The following HFE variants were observed in gnomAD, a reference collection of about 807,000 sequenced individuals.
HFE encodes the protein homeostatic iron regulator, also known as hereditary hemochromatosis protein.
A neutral mutation model predicts 40.9 loss-of-function variants in HFE; 36 were observed. The observed-to-expected ratio is 0.88, with a 90% confidence interval of 0.67 to 1.16. The LOEUF is 1.16. HFE is among the 50% of genes most tolerant of loss of function. The probability of loss-of-function intolerance (pLI) is 0.00; values close to 1 mark genes in which losing one functional copy is unlikely to be tolerated. For missense variants in HFE, 376 were observed against 432.0 expected (o/e 0.87, Z 1.15); for synonymous variants, 157 against 165.4 (o/e 0.95, Z 0.39).
intron 1 of HFE, 146 bp downstream of exon 1, chr6:26,087,662 A>C: frequency 2.9e-6 from 2 of 683,006 alleles, no homozygotes; most frequent in African/African-American, 1.8e-5. Flanking sequence ...TTCTGCGTCC[A>C]GACCCCGTGA....
At position 26,094,082 on chromosome 6, in the gene HFE, A is replaced by G; in HGVS notation, c.1007-104A>G. On this transcript the variant is annotated intron_variant, in intron 5 of 5. Coordinates refer to ENST00000357618, the MANE Select transcript of HFE (RefSeq NM_000410.4). ...TGGTTCTTGAAATCCAATAGTGCCC[A>G]GGTCTAAATTGAGATGGGTGAATGA... 3 of 1,071,982 alleles carry G rather than the reference A, an allele frequency of 2.8e-6. No individual in the cohort carries two copies. In the South Asian group the frequency reaches 3.8e-5, roughly 13 times the overall value. The allele number at this position is 1,071,982 out of a possible 1,614,324, so 66.4% of individuals were successfully genotyped here.
chr6:26,091,654 G>A lies in HFE; in HGVS notation c.616+65G>A, dbSNP rs551800376. The A allele has an allele frequency of 2.3e-5, 36 of 1,560,078 alleles. 1 individual carries two copies. The highest frequency in any genetic ancestry group is 1.5e-4 in the South Asian group (13 of 87,408). On this transcript the variant is annotated intron_variant, in intron 3 of 5. Transcript: ENST00000357618. ...CAGAGTGGAGGAGGTTGCAGGGCAC[G>A]GAATCCCTGGTTGGAGTTTCAGAGG...
intron 1 of HFE, among the ~76,000 whole-genome samples, chr6:26,088,256 A>G (rs62625323): frequency 8.1e-4 from 124 of 152,360 alleles, no homozygotes; most frequent in South Asian, 1.5e-3. Context: ...CTGTGTAATT[A>G]AGAGGCCTCT....
chr6:26,088,783 T>C (rs1249205784), intron 1 of HFE, among the ~76,000 whole-genome samples: 1 of 152,162 alleles, frequency 6.6e-6, no homozygotes, highest in Non-Finnish European at 1.5e-5. Context: ...TTTACAAGTG[T>C]AAATGAGTCC....
chr6:26,093,337 A>T lies in HFE; in HGVS notation c.1006+105A>T. 4 of 813,394 alleles carry T rather than the reference A, an allele frequency of 4.9e-6. 1 individual carries two copies. The South Asian group carries it at 5.6e-5, about 11-fold the overall frequency. The allele number at this position is 813,394 out of a possible 1,614,324, so 50.4% of individuals were successfully genotyped here. On this transcript the variant is annotated intron_variant, in intron 5 of 5. Coordinates refer to ENST00000357618, the MANE Select transcript of HFE (RefSeq NM_000410.4). ...TCCATGGGAAGCATTTTTCTCATTT[A>T]TATTCTTTGGGGACACCAGCAGCTC...
Position 26,093,189 on chromosome 6 carries a change from C to T in HFE, c.963C>T (p.Phe321=), listed in dbSNP as rs1273963692. ...TTGCTGTTTTTGTCGTCATCTTGTT[C>T]ATTGGAATTTTGTTCATAATATTAA... ...SGIAVFVVIL[F]IGILFIILRK... is the part of the protein sequence containing the mutation. Residue 321 remains phenylalanine (F), a synonymous_variant, in exon 5 of 6, where the codon TTC becomes TTT. Coordinates refer to ENST00000357618, the MANE Select transcript of HFE (RefSeq NM_000410.4). 3 of 1,613,994 alleles carry T rather than the reference C, an allele frequency of 1.9e-6. No individual in the cohort carries two copies. Among genetic ancestry groups the T allele is most frequent in the Non-Finnish European group, 2.5e-6 (3 of 1,179,956 alleles).
At chr6:26,094,106 G>A in intron 5 of HFE, 80 bp from the exon 6 acceptor site, 1 of 1,344,454 alleles carries the variant, frequency 7.4e-7, no homozygotes, top group Non-Finnish European at 1.1e-6. Context: ...ATGGGTGAAT[G>A]AGGAAAATAA....
chr6:26,090,995 T>C lies in HFE; in HGVS notation c.231T>C (p.Ser77=). The C allele has an allele frequency of 1.2e-6, 2 of 1,614,148 alleles. No homozygotes were observed. The highest frequency in any genetic ancestry group is 1.3e-5 in the African/African-American group (1 of 75,040). ...AGCCCCGAACTCCATGGGTTTCCAG[T>C]AGAATTTCAAGCCAGATGTGGCTGC... ...RVEPRTPWVS[S]RISSQMWLQL... Residue 77 remains serine (S), a synonymous_variant, in exon 2 of 6, where the codon AGT becomes AGC. Transcript: ENST00000357618.
intron 1 of HFE, among the ~76,000 whole-genome samples, chr6:26,088,850 AC>A (rs886933955): frequency 3.3e-5 from 5 of 152,120 alleles, no homozygotes; most frequent in African/African-American, 1.2e-4. Flanking sequence ...ACAAGTCTTT[AC>A]CCTTTGATAT....
chr6:26,096,696 A>C lies in HFE; in HGVS notation c.*2470A>C. 1 of 413,024 alleles carries C rather than the reference A, an allele frequency of 2.4e-6. No homozygotes were observed. 25.6% of individuals were successfully genotyped at this position (413,024 alleles called of 1,614,324 possible). A position where few individuals can be genotyped will look rare whatever the true frequency, so the allele number is the denominator to read the frequency against. Reference sequence around the variant, plus strand: ...ATGTGATTTACGCTCATTGTAGAAAAGCTATAAAATGAATACAATTAAAGC... The same window carrying C: ...ATGTGATTTACGCTCATTGTAGAAACGCTATAAAATGAATACAATTAAAGC... On this transcript the variant is annotated 3_prime_UTR_variant, in exon 6 of 6. Transcript: ENST00000357618.
rs1762930180 is a variant in HFE at position 26,094,471 on chromosome 6, C to A, written c.*245C>A. 3 of 703,326 alleles carry A rather than the reference C, an allele frequency of 4.3e-6. No homozygotes were observed. The Admixed American group carries it at 6.0e-5, about 14-fold the overall frequency. 43.6% of individuals were successfully genotyped at this position (703,326 alleles called of 1,614,324 possible). ...CTCCCCTGGAACTGTCTCTCATGAA[C>A]CTCAAGCTGCATCTAGAGGCTTCCT... On this transcript the variant is annotated 3_prime_UTR_variant, in exon 6 of 6. Coordinates refer to ENST00000357618, the MANE Select transcript of HFE (RefSeq NM_000410.4).
At chr6:26,092,173 TAAAAAAA>T (rs34225963) in intron 3 of HFE, among the ~76,000 whole-genome samples, 2 of 98,744 alleles carry the variant, frequency 2.0e-5, no homozygotes, top group African/African-American at 8.5e-5. Flanking sequence ...GACTCCATCT[TAAAAAAA>T]AAAAAAAAAA....
chr6:26,090,441 T>TAAAA (rs1762602531), intron 1 of HFE, among the ~76,000 whole-genome samples: 1 of 15,654 alleles, frequency 6.4e-5, no homozygotes, highest in Non-Finnish European at 1.1e-4. Flanking sequence ...AGACTCTGTC[T>TAAAA]CAAAAAAAAA....
At position 26,092,911 on chromosome 6, in the gene HFE, G is replaced by A. The variant is rs369354634; in HGVS notation, c.843G>A (p.Thr281=). 21 of 1,614,056 alleles carry A rather than the reference G, an allele frequency of 1.3e-5. No individual in the cohort carries two copies. In the African/African-American group the frequency reaches 2.0e-4, roughly 15 times the overall value. Residue 281 remains threonine, a synonymous_variant, in exon 4 of 6, where the codon ACG becomes ACA. Transcript: ENST00000357618. The stretch of plus-strand genomic sequence containing the variant: ...CCCCTGGGGAAGAGCAGAGATATAC[G>A]TGCCAGGTGGAGCACCCAGGCCTGG... ...AVPPGEEQRY[T]CQVEHPGLDQ... is the part of the protein sequence containing the mutation.
At chr6:26,089,104 T>TG (rs1762482257) in intron 1 of HFE, among the ~76,000 whole-genome samples, 2 of 17,674 alleles carry the variant, frequency 1.1e-4, no homozygotes, top group African/African-American at 4.3e-4. Flanking sequence ...CATGTGTGTG[T>TG]GTGTGGGGGG....
chr6:26,094,072 A>C lies in HFE; in HGVS notation c.1007-114A>C, dbSNP rs528335117. 144 of 1,009,988 alleles carry C rather than the reference A, an allele frequency of 1.4e-4. No individual in the cohort carries two copies. In the African/African-American group the frequency reaches 2.0e-3, roughly 14 times the overall value. The allele number at this position is 1,009,988 out of a possible 1,614,324, so 62.6% of individuals were successfully genotyped here. A position where few individuals can be genotyped will look rare whatever the true frequency, so the allele number is the denominator to read the frequency against. ...TGAGAGATAATGGTTCTTGAAATCC[A>C]ATAGTGCCCAGGTCTAAATTGAGAT... is the stretch of plus-strand genomic sequence containing the variant. On this transcript the variant is annotated intron_variant, in intron 5 of 5. Transcript: ENST00000357618.
rs1763070784 is a variant in HFE, at chr6:26,097,106, T to C, written c.*2880T>C. Reference sequence around the variant, plus strand: ...TTACTATACTGAAAGCAGACTGCTATAAGGCTTCACTTACTCTTCTACCTC... The same window carrying C: ...TTACTATACTGAAAGCAGACTGCTACAAGGCTTCACTTACTCTTCTACCTC... On this transcript the variant is annotated 3_prime_UTR_variant, in exon 6 of 6. Transcript: ENST00000357618. 1 of 155,900 alleles carries C rather than the reference T, an allele frequency of 6.4e-6. No homozygotes were observed. Among genetic ancestry groups the C allele is most frequent in the Non-Finnish European group, 1.4e-5 (1 of 70,632 alleles). The allele number at this position is 155,900 out of a possible 1,614,324, so 9.7% of individuals were successfully genotyped here. A position where few individuals can be genotyped will look rare whatever the true frequency, so the allele number is the denominator to read the frequency against.
intron 1 of HFE, among the ~76,000 whole-genome samples, chr6:26,089,283 G>C (rs1274593281): frequency 6.6e-6 from 1 of 152,078 alleles, no homozygotes; most frequent in Non-Finnish European, 1.5e-5. Context: ...TCCTGGTTAA[G>C]AAGCTCGGGT....
intron 1 of HFE, 31 bp downstream of exon 1, chr6:26,087,547 G>A: frequency 6.3e-7 from 1 of 1,591,602 alleles, no homozygotes; most frequent in Non-Finnish European, 8.6e-7. Flanking sequence ...CGAACTAGGG[G>A]CGCGGCGGGG....
Sources: gnomAD v4.1 joint callset for allele counts (sites outside exome capture counted in the v4.1 genomes callset) on GRCh38, gnomAD v4.1.1 for gene constraint, MANE v1.5 for transcripts, NCBI Gene and HGNC (gene_info 2026-07-23, HGNC 2026-07-21) for gene names.